The following FER variants were observed in gnomAD, a reference collection of about 807,000 sequenced individuals.
The protein encoded by FER is tyrosine-protein kinase Fer.
FER carries 63 observed loss-of-function variants against 111.0 expected under a neutral mutation model. That is an observed-to-expected ratio of 0.57 (90% CI 0.46 to 0.70). The LOEUF is 0.70. FER is among the 30% of genes least tolerant of loss of function. FER has a pLI of 0.00. For missense variants in FER, 914 were observed against 954.0 expected (o/e 0.96, Z 0.55); for synonymous variants, 327 against 313.9 (o/e 1.04, Z -0.44).
At chr5:109,084,718 T>C (rs1177539489) in intron 16 of FER, among the ~76,000 whole-genome samples, 4 of 151,920 alleles carry the variant, frequency 2.6e-5, no homozygotes, top group African/African-American at 4.8e-5. Flanking sequence ...TTGTGTTTTC[T>C]TTTAGGAGCC....
intron 5 of FER, among the ~76,000 whole-genome samples, chr5:108,858,883 A>G (rs1321163024): frequency 6.7e-6 from 1 of 150,334 alleles, no homozygotes; most frequent in African/African-American, 2.4e-5. Context: ...ATATGGACAT[A>G]TAGCTTATTT....
chr5:108,780,902 C>T (rs535127525), intron 2 of FER, among the ~76,000 whole-genome samples: 32 of 151,758 alleles, frequency 2.1e-4, no homozygotes, highest in Non-Finnish European at 4.0e-4. Context: ...CTTTCCTCAG[C>T]TGTGTCCAGT....
At chr5:109,025,636 G>A (rs1464518224) in intron 13 of FER, among the ~76,000 whole-genome samples, 1 of 151,056 alleles carries the variant, frequency 6.6e-6, no homozygotes, top group Non-Finnish European at 1.5e-5. Context: ...TAATTGCCCT[G>A]GCCAGAACTT....
intron 15 of FER, among the ~76,000 whole-genome samples, chr5:109,045,829 G>C (rs888202408): frequency 8.5e-5 from 13 of 152,182 alleles, no homozygotes. Context: ...AATCCAGGGG[G>C]AGTTAGTCTG....
intron 3 of FER, among the ~76,000 whole-genome samples, chr5:108,822,723 ATTTTATTTT>A (rs1561469818): frequency 2.3e-4 from 30 of 132,714 alleles, no homozygotes; most frequent in African/African-American, 7.6e-4. Flanking sequence ...ATTTTATTTT[ATTTTATTTT>A]ATTTTATTTT....
chr5:109,055,122 A>G (rs543837761), intron 16 of FER, among the ~76,000 whole-genome samples: 5 of 152,326 alleles, frequency 3.3e-5, no homozygotes, highest in African/African-American at 1.2e-4. Flanking sequence ...ATACAAAAGA[A>G]TGAAATGGGA....
At chr5:108,888,874 A>T (rs1295102670) in intron 9 of FER, among the ~76,000 whole-genome samples, 1 of 151,916 alleles carries the variant, frequency 6.6e-6, no homozygotes, top group Admixed American at 6.6e-5. Flanking sequence ...TGTTAGGACT[A>T]GAGACATACA....
chr5:108,749,183 C>T (rs576553303), intron 1 of FER, among the ~76,000 whole-genome samples: 3 of 152,206 alleles, frequency 2.0e-5, no homozygotes, highest in South Asian at 2.1e-4. Flanking sequence ...AGCGCCCCCC[C>T]CAACCCCCGT....
chr5:109,097,230 T>A (rs1201399591), intron 16 of FER, among the ~76,000 whole-genome samples: 2 of 151,898 alleles, frequency 1.3e-5, no homozygotes, highest in Non-Finnish European at 2.9e-5. Flanking sequence ...TTTCACCAAG[T>A]CATGCTATCT....
At chr5:109,040,940 A>G (rs1771079505) in intron 14 of FER, among the ~76,000 whole-genome samples, 3 of 152,160 alleles carry the variant, frequency 2.0e-5, no homozygotes, top group African/African-American at 7.2e-5. Context: ...GTGGGTCAAT[A>G]TAGGGACAAG....
At chr5:108,961,513 A>G (rs897590406) in intron 13 of FER, among the ~76,000 whole-genome samples, 2 of 152,198 alleles carry the variant, frequency 1.3e-5, no homozygotes, top group Admixed American at 6.6e-5. Context: ...TGATAGAACT[A>G]GCTATGAAAA....
intron 8 of FER, among the ~76,000 whole-genome samples, chr5:108,883,145 C>T (rs1282052110): frequency 1.3e-5 from 2 of 151,948 alleles, no homozygotes; most frequent in African/African-American, 2.4e-5. Flanking sequence ...CAGTATTGCC[C>T]GAGTACTTAC....
At chr5:108,994,047 C>A (rs1763683079) in intron 13 of FER, among the ~76,000 whole-genome samples, 1 of 152,138 alleles carries the variant, frequency 6.6e-6, no homozygotes, top group African/African-American at 2.4e-5. Context: ...GGATAGATTG[C>A]AAAATTTTTC....
intron 10 of FER, among the ~76,000 whole-genome samples, chr5:108,905,013 C>G (rs1482852618): frequency 6.6e-6 from 1 of 151,878 alleles, no homozygotes; most frequent in Non-Finnish European, 1.5e-5. Context: ...ACTTATAAAA[C>G]AGGTAAGCTA....
intron 2 of FER, among the ~76,000 whole-genome samples, chr5:108,772,816 G>T (rs1753067580): frequency 1.3e-5 from 2 of 152,094 alleles, no homozygotes; most frequent in African/African-American, 2.4e-5. Context: ...TTCTAACCAG[G>T]AATTCTATCT....
At chr5:109,041,166 C>T (rs966231621) in intron 14 of FER, among the ~76,000 whole-genome samples, 3 of 152,114 alleles carry the variant, frequency 2.0e-5, no homozygotes, top group Admixed American at 6.6e-5. Context: ...AAAGTTAAAT[C>T]AGTCAGCATG....
chr5:108,986,408 T>TG (rs1338801116), intron 13 of FER, among the ~76,000 whole-genome samples: 1 of 152,154 alleles, frequency 6.6e-6, no homozygotes, highest in Non-Finnish European at 1.5e-5. Context: ...CTGTTTGCTC[T>TG]GCTGATTGTT....
intron 10 of FER, among the ~76,000 whole-genome samples, chr5:108,923,064 T>G (rs1753245136): frequency 6.6e-6 from 1 of 152,132 alleles, no homozygotes; most frequent in South Asian, 2.1e-4. Flanking sequence ...TAAACTAGGG[T>G]TTGTAACAGA....
At chr5:108,948,370 G>T (rs564190869) in intron 11 of FER, among the ~76,000 whole-genome samples, 1 of 152,040 alleles carries the variant, frequency 6.6e-6, no homozygotes, top group African/African-American at 2.4e-5. Context: ...AATATTTTTT[G>T]TTATGATCAG....
Sources: allele counts gnomAD v4.1 joint callset (sites outside exome capture counted in the v4.1 genomes callset), GRCh38; gene constraint gnomAD v4.1.1; transcripts MANE v1.5; gene names NCBI Gene and HGNC (gene_info 2026-07-23, HGNC 2026-07-21).